CNTN4: variants seen among roughly 807,000 people sequenced by gnomAD.
CNTN4 encodes contactin 4.
A neutral mutation model predicts 122.5 loss-of-function variants in CNTN4; 77 were observed. The observed-to-expected ratio is 0.63, with a 90% CI of 0.52 to 0.76. The LOEUF (loss-of-function observed/expected upper bound fraction) is 0.76. CNTN4 is among the 30% of genes least tolerant of loss of function. The pLI, the probability that CNTN4 is intolerant of heterozygous loss-of-function variation, is 0.00. For missense variants in CNTN4, 1,256 were observed against 1,259.1 expected (o/e 1.00, Z 0.04); for synonymous variants, 512 against 447.0 (o/e 1.15, Z -1.83).
intron 3 of CNTN4, among the ~76,000 whole-genome samples, chr3:2,340,710 T>TATATATATATATATATATATAGAGAG: frequency 2.7e-4 from 5 of 18,304 alleles, no homozygotes; most frequent in Non-Finnish European, 3.2e-4. Flanking sequence ...TATATATATA[T>TATATATATATATATATATATAGAGAG]AGAGAGAGAG....
chr3:2,604,532 A>G (rs2081180182), intron 4 of CNTN4, among the ~76,000 whole-genome samples: 1 of 152,190 alleles, frequency 6.6e-6, no homozygotes. Context: ...TAAGAGGAAG[A>G]ATAAAGTAGG....
At chr3:2,225,155 A>AACC (rs140444016) in intron 2 of CNTN4, among the ~76,000 whole-genome samples, 1 of 148,484 alleles carries the variant, frequency 6.7e-6, no homozygotes, top group African/African-American at 2.5e-5. Flanking sequence ...TGTACCCACC[A>AACC]CCCCCAAAAA....
At chr3:2,945,028 T>A (rs1242668022) in intron 13 of CNTN4, among the ~76,000 whole-genome samples, 1 of 152,036 alleles carries the variant, frequency 6.6e-6, no homozygotes, top group Non-Finnish European at 1.5e-5. Context: ...CTATAAGGGG[T>A]ATAAGCTTAG....
rs1219140012 is a variant in CNTN4, at chr3:3,030,873, T to C, written c.1681T>C (p.Leu561=). The part of the protein sequence containing the change: ...RVGGQDSAGD[L]MIRNIQLKHA... ...TTATCAGCAGGATTCAGCTGGTGATTTGATGATCCGAAACATCCAACTGAA... is the reference window on the plus strand; with the variant it reads ...TTATCAGCAGGATTCAGCTGGTGATCTGATGATCCGAAACATCCAACTGAA... Residue 561 remains leucine, a synonymous_variant, in exon 16 of 25, where the codon TTG becomes CTG. Coordinates refer to ENST00000418658, the MANE Select transcript of CNTN4 (RefSeq NM_175607.3). 2 of 1,614,094 alleles carry C rather than the reference T, an allele frequency of 1.2e-6. No homozygotes were observed. The highest frequency in any genetic ancestry group is 2.2e-5 in the East Asian group (1 of 44,888).
chr3:2,197,493 A>G (rs755281966), intron 2 of CNTN4, among the ~76,000 whole-genome samples: 4 of 152,202 alleles, frequency 2.6e-5, no homozygotes, highest in South Asian at 2.1e-4. Context: ...GTAATCTGCA[A>G]TATAATCCTG....
intron 7 of CNTN4, among the ~76,000 whole-genome samples, chr3:2,855,826 G>C (rs899735109): frequency 2.6e-5 from 4 of 151,904 alleles, no homozygotes; most frequent in Non-Finnish European, 4.4e-5. Context: ...TTCTGTCTTA[G>C]TAAACTCAGC....
intron 14 of CNTN4, among the ~76,000 whole-genome samples, chr3:3,018,613 T>C (rs965356435): frequency 1.3e-5 from 2 of 152,188 alleles, no homozygotes; most frequent in Non-Finnish European, 2.9e-5. Flanking sequence ...GAACAAAATG[T>C]AAGTTGATTA....
chr3:2,756,792 G>A (rs1244659946), intron 6 of CNTN4, among the ~76,000 whole-genome samples: 1 of 152,192 alleles, frequency 6.6e-6, no homozygotes, highest in Admixed American at 6.5e-5. Context: ...GCCACCAGAA[G>A]CTAGAAGAAG....
rs1267092646 is a variant in CNTN4, at chr3:2,922,587, T to C, written c.1208-3042T>C. On this transcript the variant is annotated intron_variant, in intron 12 of 24. Coordinates refer to ENST00000418658, the MANE Select transcript of CNTN4 (RefSeq NM_175607.3). The stretch of plus-strand genomic sequence containing the variant: ...TCAGAAGCTAATTAAGTAAATTGAG[T>C]TAACAAAAGAAAAGAACTTGATTTT... 3.3e-5 allele frequency among the ~76,000 whole-genome samples: 5 copies of C among 150,296 alleles called. No homozygotes were observed. In the South Asian group the frequency reaches 1.0e-3, roughly 31 times the overall value.
At chr3:2,584,898 A>AAGGTAGGT (rs1249530219) in intron 4 of CNTN4, among the ~76,000 whole-genome samples, 2 of 151,258 alleles carry the variant, frequency 1.3e-5, no homozygotes, top group South Asian at 2.1e-4. Flanking sequence ...ACGAAGTAGG[A>AAGGTAGGT]AGGTAGGTAG....
Position 2,552,872 on chromosome 3 carries a change from A to C in CNTN4, c.-88-18544A>C, listed in dbSNP as rs1331879190. ...AGTGAAATTTGACTGCAGATGGTCTATGAGGAAGGTGACGTGCTACGGCAT... is the reference window on the plus strand; with the variant it reads ...AGTGAAATTTGACTGCAGATGGTCTCTGAGGAAGGTGACGTGCTACGGCAT... On this transcript the variant is annotated intron_variant, in intron 3 of 24. Coordinates refer to ENST00000418658, the MANE Select transcript of CNTN4 (RefSeq NM_175607.3). Among the ~76,000 whole-genome samples, 3 of 152,148 alleles carry C rather than the reference A, an allele frequency of 2.0e-5. No homozygotes were observed. The East Asian group carries it at 5.8e-4, about 29-fold the overall frequency.
chr3:3,007,458 A>G (rs1028360596), intron 14 of CNTN4, among the ~76,000 whole-genome samples: 1 of 152,250 alleles, frequency 6.6e-6, no homozygotes, highest in African/African-American at 2.4e-5. Context: ...ATTTTAATCA[A>G]TAGCCTACAA....
intron 8 of CNTN4, among the ~76,000 whole-genome samples, chr3:2,880,405 T>C (rs1262529386): frequency 6.6e-6 from 1 of 152,206 alleles, no homozygotes; most frequent in Non-Finnish European, 1.5e-5. Flanking sequence ...TATACAGCCA[T>C]ATACACAGCA....
At chr3:2,977,418 C>T (rs1305869405) in intron 13 of CNTN4, among the ~76,000 whole-genome samples, 1 of 151,954 alleles carries the variant, frequency 6.6e-6, no homozygotes, top group Non-Finnish European at 1.5e-5. Context: ...GCAGGCAGGC[C>T]CTAATCTTTT....
At chr3:2,789,716 C>T (rs373646235) in intron 6 of CNTN4, among the ~76,000 whole-genome samples, 283 of 152,256 alleles carry the variant, frequency 1.9e-3, no homozygotes, top group Non-Finnish European at 3.6e-3. Context: ...CAGGCGTGAG[C>T]CATTGTGCCT....
At chr3:2,967,308 G>T (rs1172644060) in intron 13 of CNTN4, among the ~76,000 whole-genome samples, 1 of 152,126 alleles carries the variant, frequency 6.6e-6, no homozygotes, top group African/African-American at 2.4e-5. Flanking sequence ...TACAGGGTGT[G>T]CAAAATATCT....
At chr3:2,921,213 T>G (rs919906583) in intron 12 of CNTN4, among the ~76,000 whole-genome samples, 2 of 152,184 alleles carry the variant, frequency 1.3e-5, no homozygotes, top group African/African-American at 4.8e-5. Context: ...AATGTTTTAT[T>G]TTTTATAGAG....
At chr3:2,634,737 T>G (rs1483462874) in intron 4 of CNTN4, among the ~76,000 whole-genome samples, 2 of 150,998 alleles carry the variant, frequency 1.3e-5, no homozygotes, top group African/African-American at 4.9e-5. Flanking sequence ...GCACCTGTAG[T>G]CCCACCTACT....
intron 3 of CNTN4, among the ~76,000 whole-genome samples, chr3:2,488,009 T>A (rs1022373497): frequency 6.6e-6 from 1 of 152,170 alleles, no homozygotes; most frequent in African/African-American, 2.4e-5. Flanking sequence ...ACACTTCTAG[T>A]TTCTCCCTCT....
Sources: allele counts gnomAD v4.1 joint callset (sites outside exome capture counted in the v4.1 genomes callset), GRCh38; gene constraint gnomAD v4.1.1; transcripts MANE v1.5; gene names NCBI Gene and HGNC (gene_info 2026-07-23, HGNC 2026-07-21).